Variants in CTNNA3 observed in about 807,000 individuals in gnomAD.
CTNNA3 encodes catenin alpha 3.
In CTNNA3, 76 loss-of-function variants were observed where a neutral mutation model predicts 95.7. The observed-to-expected ratio is 0.79, with a 90% confidence interval of 0.66 to 0.96. CTNNA3 has a LOEUF of 0.96. CTNNA3 is among the 40% of genes least tolerant of loss of function. CTNNA3 has a pLI of 0.00. For missense variants in CTNNA3, 1,191 were observed against 1,089.8 expected, an observed-to-expected ratio of 1.09 and a Z score of -1.31; for synonymous variants, 431 against 374.4, an observed-to-expected ratio of 1.15 and a Z score of -1.74.
chr10:66,563,111 A>C lies in CTNNA3; in HGVS notation c.1375-42338T>G, dbSNP rs868117423. ...AGCACTCAACTTCCCTTAGTGTTCT[A>C]TAGACTGTAGTATCTTTGTAATTGC... is the stretch of plus-strand genomic sequence containing the variant. On this transcript the variant is annotated intron_variant, in intron 10 of 17. Coordinates refer to ENST00000433211, the MANE Select transcript of CTNNA3 (RefSeq NM_013266.4). 8.5e-5 allele frequency among the ~76,000 whole-genome samples: 13 copies of C among 152,122 alleles called. No homozygotes were observed. The South Asian group carries it at 1.4e-3, about 17-fold the overall frequency.
At chr10:66,716,214 T>G (rs1182012215) in intron 9 of CTNNA3, among the ~76,000 whole-genome samples, 1 of 152,136 alleles carries the variant, frequency 6.6e-6, no homozygotes, top group African/African-American at 2.4e-5. Flanking sequence ...TATGCTAATT[T>G]GTCTGGACTT....
At chr10:66,546,549 G>A (rs920717628) in intron 10 of CTNNA3, among the ~76,000 whole-genome samples, 2 of 152,112 alleles carry the variant, frequency 1.3e-5, no homozygotes, top group Admixed American at 6.6e-5. Flanking sequence ...AGCATGGTTG[G>A]GGAAGCCTCG....
intron 5 of CTNNA3, among the ~76,000 whole-genome samples, chr10:67,349,543 C>A (rs935524729): frequency 2.6e-5 from 4 of 151,946 alleles, no homozygotes; most frequent in Non-Finnish European, 5.9e-5. Flanking sequence ...TTGCCAGGGA[C>A]TCAAGGGAGA....
At chr10:67,116,703 C>T (rs533475804) in intron 7 of CTNNA3, among the ~76,000 whole-genome samples, 91 of 143,286 alleles carry the variant, frequency 6.4e-4, no homozygotes, top group Non-Finnish European at 1.1e-3. Context: ...ACCTAACCAT[C>T]TGGAAGTCAG....
chr10:66,635,025 C>T (rs1845287671), intron 9 of CTNNA3, among the ~76,000 whole-genome samples: 1 of 151,966 alleles, frequency 6.6e-6, no homozygotes, highest in South Asian at 2.1e-4. Flanking sequence ...TAGTTTGGAA[C>T]AATATATAAC....
At chr10:66,542,992 CA>C (rs1237088523) in intron 10 of CTNNA3, among the ~76,000 whole-genome samples, 2 of 151,880 alleles carry the variant, frequency 1.3e-5, no homozygotes, top group African/African-American at 4.8e-5. Context: ...CTAAGGTAAA[CA>C]TTGAAATTTA....
At chr10:67,037,893 T>A (rs1854161622) in intron 7 of CTNNA3, among the ~76,000 whole-genome samples, 2 of 152,194 alleles carry the variant, frequency 1.3e-5, no homozygotes, top group African/African-American at 4.8e-5. Flanking sequence ...GGTTGATAGA[T>A]TTAAAAGAAG....
intron 7 of CTNNA3, among the ~76,000 whole-genome samples, chr10:67,114,105 G>A (rs1431341791): frequency 6.6e-6 from 1 of 151,374 alleles, no homozygotes. Flanking sequence ...ACAGATATTA[G>A]ATGCAAGAAA....
chr10:67,218,220 C>A (rs982494554), intron 6 of CTNNA3, among the ~76,000 whole-genome samples: 2 of 152,182 alleles, frequency 1.3e-5, no homozygotes, highest in African/African-American at 4.8e-5. Context: ...TCACACTCGG[C>A]ACTCCCCAGA....
intron 1 of CTNNA3, among the ~76,000 whole-genome samples, chr10:67,725,115 T>A (rs944839772): frequency 1.3e-5 from 2 of 152,068 alleles, no homozygotes; most frequent in Non-Finnish European, 2.9e-5. Flanking sequence ...GGATTCGTAG[T>A]TCTCCATGAG....
At chr10:67,587,331 A>T (rs951619662) in intron 3 of CTNNA3, among the ~76,000 whole-genome samples, 1 of 151,576 alleles carries the variant, frequency 6.6e-6, no homozygotes, top group African/African-American at 2.4e-5. Context: ...AAGTGCTGGG[A>T]TCATAGATTG....
At chr10:66,351,090 A>G (rs925495276) in intron 12 of CTNNA3, among the ~76,000 whole-genome samples, 3 of 152,120 alleles carry the variant, frequency 2.0e-5, no homozygotes, top group African/African-American at 7.2e-5. Context: ...TTTTGTGCAC[A>G]GACCCAACAA....
At chr10:67,388,976 T>A (rs1844323937) in intron 5 of CTNNA3, among the ~76,000 whole-genome samples, 2 of 152,054 alleles carry the variant, frequency 1.3e-5, no homozygotes, top group South Asian at 4.2e-4. Flanking sequence ...GTAAAGACCA[T>A]CAAGACTAGG....
intron 10 of CTNNA3, among the ~76,000 whole-genome samples, chr10:66,579,124 C>T (rs1394312364): frequency 6.6e-6 from 1 of 151,638 alleles, no homozygotes; most frequent in Non-Finnish European, 1.5e-5. Flanking sequence ...TGTGTGCATA[C>T]AGCTGTTCAT....
chr10:67,684,157 A>G (rs1840683719), intron 1 of CTNNA3, among the ~76,000 whole-genome samples: 1 of 152,150 alleles, frequency 6.6e-6, no homozygotes, highest in South Asian at 2.1e-4. Flanking sequence ...GGTCCGTTTT[A>G]CAGAGTGCTG....
At chr10:66,412,456 ATTT>A (rs750175517) in intron 11 of CTNNA3, among the ~76,000 whole-genome samples, 30 of 126,216 alleles carry the variant, frequency 2.4e-4, no homozygotes, top group African/African-American at 4.1e-4. Flanking sequence ...GCCAAATACT[ATTT>A]TTTTTTTTTT....
intron 13 of CTNNA3, among the ~76,000 whole-genome samples, chr10:66,212,137 C>A (rs2088208738): frequency 6.6e-6 from 1 of 151,790 alleles, no homozygotes; most frequent in Non-Finnish European, 1.5e-5. Context: ...TTGTAGGCAC[C>A]CGCCACCACG....
intron 13 of CTNNA3, among the ~76,000 whole-genome samples, chr10:66,114,658 A>G (rs961270584): frequency 6.6e-6 from 1 of 151,932 alleles, no homozygotes; most frequent in Non-Finnish European, 1.5e-5. Flanking sequence ...AAGCAGGCAG[A>G]TCACGAGGTC....
At chr10:67,400,451 T>G (rs892583418) in intron 5 of CTNNA3, among the ~76,000 whole-genome samples, 1 of 152,194 alleles carries the variant, frequency 6.6e-6, no homozygotes, top group African/African-American at 2.4e-5. Context: ...AATGAGCAAT[T>G]CACGGGAAAA....
Sources: gnomAD v4.1 joint callset for allele counts (sites outside exome capture counted in the v4.1 genomes callset) on GRCh38, gnomAD v4.1.1 for gene constraint, MANE v1.5 for transcripts, NCBI Gene and HGNC (gene_info 2026-07-23, HGNC 2026-07-21) for gene names.